Variants in KITLG observed in about 807,000 individuals in gnomAD.
KITLG encodes the protein KIT ligand.
In KITLG, 13 loss-of-function variants were observed where a neutral mutation model predicts 34.1. The observed-to-expected ratio is 0.38, with a 90% CI of 0.25 to 0.61. The LOEUF is 0.61. Ranked by LOEUF, KITLG falls within the 20% of genes least tolerant of loss-of-function variation. KITLG has a pLI of 0.60. For missense variants in KITLG, 292 were observed against 318.9 expected (o/e 0.92, Z 0.64); for synonymous variants, 110 against 104.0 (o/e 1.06, Z -0.35).
At chr12:88,508,374 C>G (rs1820490929) in intron 6 of KITLG, among the ~76,000 whole-genome samples, 1 of 152,078 alleles carries the variant, frequency 6.6e-6, no homozygotes, top group Admixed American at 6.6e-5. Flanking sequence ...CAACATCTTA[C>G]AGGGAAAAAT....
intron 3 of KITLG, among the ~76,000 whole-genome samples, chr12:88,526,143 T>C (rs571971900): frequency 1.3e-5 from 2 of 152,282 alleles, no homozygotes; most frequent in South Asian, 4.1e-4. Context: ...CAGAGAGTCA[T>C]GAACATTAGG....
At chr12:88,524,652 T>C (rs1869799030) in intron 3 of KITLG, among the ~76,000 whole-genome samples, 1 of 152,180 alleles carries the variant, frequency 6.6e-6, no homozygotes, top group African/African-American at 2.4e-5. Context: ...TTCCATTGTA[T>C]TTCTATCAGA....
At position 88,495,012 on chromosome 12, in the gene KITLG, A is replaced by C. The variant is rs1020143228; in HGVS notation, c.*2207T>G. The C allele has an allele frequency of 5.3e-5, 8 of 152,152 alleles. No individual in the cohort carries two copies. Among genetic ancestry groups the C allele is most frequent in the African/African-American group, 1.9e-4 (8 of 41,538 alleles). 9.4% of individuals were successfully genotyped at this position (152,152 alleles called of 1,614,324 possible). ...TTTTATTCAACTTTAGTGTTTTAAA[A>C]ATTGGCAATCCATGTAACTTTCAAT... On this transcript the variant is annotated 3_prime_UTR_variant, in exon 10 of 10. Coordinates refer to ENST00000644744, the MANE Select transcript of KITLG (RefSeq NM_000899.5).
intron 1 of KITLG, among the ~76,000 whole-genome samples, chr12:88,556,455 AG>A (rs2120940039): frequency 6.6e-6 from 1 of 152,274 alleles, no homozygotes; most frequent in South Asian, 2.1e-4. Context: ...AGTAATCCAA[AG>A]CTGAGATGAT....
chr12:88,520,456 T>C (rs1450394625), intron 3 of KITLG, among the ~76,000 whole-genome samples: 1 of 152,232 alleles, frequency 6.6e-6, no homozygotes, highest in African/African-American at 2.4e-5. Flanking sequence ...ATTTATGTGA[T>C]AGAGTAGCTT....
In KITLG at chr12:88,580,010, C is replaced by T. The variant is rs1011730054; in HGVS notation, c.15+254G>A. On this transcript the variant is annotated intron_variant, in intron 1 of 9. Coordinates refer to ENST00000644744, the MANE Select transcript of KITLG (RefSeq NM_000899.5). ...GGGAATTACGGTTTCCGACTGACAG[C>T]TCAAAACTTAACTGCTGAGGCTCCA... 19 of 591,692 alleles carry T rather than the reference C, an allele frequency of 3.2e-5. No individual in the cohort carries two copies. The South Asian group carries it at 3.7e-4, about 11-fold the overall frequency. The allele number at this position is 591,692 out of a possible 1,614,324, so 36.7% of individuals were successfully genotyped here. A position where few individuals can be genotyped will look rare whatever the true frequency, so the allele number is the denominator to read the frequency against.
At chr12:88,565,882 C>T (rs1478196719) in intron 1 of KITLG, among the ~76,000 whole-genome samples, 4 of 152,130 alleles carry the variant, frequency 2.6e-5, no homozygotes, top group African/African-American at 9.7e-5. Flanking sequence ...CAGGACCTGG[C>T]ACAGAGAATA....
intron 6 of KITLG, among the ~76,000 whole-genome samples, chr12:88,509,263 T>C (rs1402379444): frequency 6.6e-6 from 1 of 152,210 alleles, no homozygotes; most frequent in African/African-American, 2.4e-5. Flanking sequence ...CCAAACACCA[T>C]GTTCTTCTTG....
chr12:88,574,417 C>T (rs1475349905), intron 1 of KITLG, among the ~76,000 whole-genome samples: 1 of 152,140 alleles, frequency 6.6e-6, no homozygotes, highest in African/African-American at 2.4e-5. Context: ...CAAAAGCCAG[C>T]CAAGGAGAGA....
rs144581648 is a variant in KITLG at position 88,558,986 on chromosome 12, T to C, written c.16-13121A>G. Among the ~76,000 whole-genome samples, 263 of 152,284 alleles carry C rather than the reference T, an allele frequency of 1.7e-3. 2 individuals are homozygous for C. The highest frequency in any genetic ancestry group is 6.1e-3 in the African/African-American group (253 of 41,562). On this transcript the variant is annotated intron_variant, in intron 1 of 9. Transcript: ENST00000644744. ...GGTACAGTGTATACTACTTGGGTGA[T>C]GGGTGCACCAAAATCTCACAAATCA... is the stretch of plus-strand genomic sequence containing the variant.
At chr12:88,516,230 T>C in intron 5 of KITLG, 104 bp downstream of exon 5, 1 of 923,386 alleles carries the variant, frequency 1.1e-6, no homozygotes, top group African/African-American at 1.6e-5. Flanking sequence ...TAGACGTACA[T>C]GCATGTATCT....
intron 3 of KITLG, among the ~76,000 whole-genome samples, chr12:88,520,841 C>A (rs547802512): frequency 8.5e-5 from 13 of 152,232 alleles, no homozygotes; most frequent in Admixed American, 8.5e-4. Flanking sequence ...TATTACCCTA[C>A]CTCCTCCCAT....
At chr12:88,569,964 T>C (rs1871591195) in intron 1 of KITLG, among the ~76,000 whole-genome samples, 1 of 152,182 alleles carries the variant, frequency 6.6e-6, no homozygotes, top group Non-Finnish European at 1.5e-5. Flanking sequence ...CTGGTAGCTT[T>C]AAAAGCCAGA....
chr12:88,531,296 A>T (rs907946395), intron 3 of KITLG, among the ~76,000 whole-genome samples: 1 of 152,212 alleles, frequency 6.6e-6, no homozygotes, highest in African/African-American at 2.4e-5. Context: ...ATTGGAATGA[A>T]AAAGTCCAGC....
At chr12:88,528,246 T>C (rs1216055725) in intron 3 of KITLG, among the ~76,000 whole-genome samples, 3 of 152,190 alleles carry the variant, frequency 2.0e-5, no homozygotes, top group Admixed American at 6.5e-5. Flanking sequence ...CAAATCTCCC[T>C]CTCTGGCTCT....
intron 1 of KITLG, among the ~76,000 whole-genome samples, chr12:88,568,935 A>G (rs1374410705): frequency 1.3e-5 from 2 of 152,234 alleles, no homozygotes; most frequent in Non-Finnish European, 1.5e-5. Context: ...GGAAAGATAA[A>G]TAAATTGCCT....
In KITLG at chr12:88,528,894, A is replaced by G. The variant is rs542033676; in HGVS notation, c.192+3547T>C. On this transcript the variant is annotated intron_variant, in intron 3 of 9. Coordinates refer to ENST00000644744, the MANE Select transcript of KITLG (RefSeq NM_000899.5). ...AAACTAAAAGAAAACTGATGAATAT[A>G]TACTTTAAGTAAAAATTGAAAAACG... is the stretch of plus-strand genomic sequence containing the variant. 8.5e-5 allele frequency among the ~76,000 whole-genome samples: 13 copies of G among 152,354 alleles called. No individual in the cohort carries two copies. In the South Asian group the frequency reaches 2.7e-3, roughly 32 times the overall value.
At chr12:88,546,706 T>C (rs1870731179) in intron 1 of KITLG, among the ~76,000 whole-genome samples, 1 of 152,166 alleles carries the variant, frequency 6.6e-6, no homozygotes, top group Non-Finnish European at 1.5e-5. Flanking sequence ...GCTGGGTCAA[T>C]CAGTGGTCAA....
intron 1 of KITLG, among the ~76,000 whole-genome samples, chr12:88,553,442 T>G (rs566085480): frequency 6.6e-6 from 1 of 152,164 alleles, no homozygotes; most frequent in East Asian, 1.9e-4. Context: ...ATCATCTATT[T>G]TTTTTTTCTG....
Sources: allele counts gnomAD v4.1 joint callset (sites outside exome capture counted in the v4.1 genomes callset), GRCh38; gene constraint gnomAD v4.1.1; transcripts MANE v1.5; gene names NCBI Gene and HGNC (gene_info 2026-07-23, HGNC 2026-07-21).